The following RFC3 variants were observed in gnomAD, a reference collection of about 807,000 sequenced individuals.
The protein encoded by RFC3 is A1 38 kDa subunit.
A neutral mutation model predicts 45.1 loss-of-function variants in RFC3; 41 were observed. The observed-to-expected ratio is 0.91, with a 90% CI of 0.71 to 1.18. The LOEUF (loss-of-function observed/expected upper bound fraction) is 1.18. Among genes scored for constraint, RFC3 ranks in the 50% most tolerant of loss-of-function variants. The pLI is 0.00. For missense variants in RFC3, 423 were observed against 428.1 expected (o/e 0.99, Z 0.10); for synonymous variants, 149 against 144.0 (o/e 1.03, Z -0.25).
At chr13:33,907,262 G>C (rs549849574) in intron 8 of RFC3, among the ~76,000 whole-genome samples, 2 of 152,048 alleles carry the variant, frequency 1.3e-5, no homozygotes, top group South Asian at 4.1e-4. Flanking sequence ...TGTGAAAATG[G>C]AAGACTATTT....
At position 33,831,372 on chromosome 13, in the gene RFC3, T is replaced by G. The variant is rs1566382861; in HGVS notation, c.809+18T>G. 7.3e-7 allele frequency: 1 copy of G among 1,368,876 alleles called. No homozygotes were observed. Among genetic ancestry groups the G allele is most frequent in the East Asian group, 2.3e-5 (1 of 43,680 alleles). 84.8% of individuals were successfully genotyped at this position (1,368,876 alleles called of 1,614,324 possible). A position where few individuals can be genotyped will look rare whatever the true frequency, so the allele number is the denominator to read the frequency against. On this transcript the variant is annotated intron_variant, in intron 7 of 8. Coordinates refer to ENST00000380071, the MANE Select transcript of RFC3 (RefSeq NM_002915.4). ...CCACAAAGGTACCAGTATAAAATGA[T>G]GACAGTAAAGCTTTCATTATCAGGA...
At chr13:33,834,298 G>GTGTGTGTATATATATA (rs1302839326) in intron 7 of RFC3, among the ~76,000 whole-genome samples, 21 of 109,200 alleles carry the variant, frequency 1.9e-4, no homozygotes, top group African/African-American at 4.1e-4. Flanking sequence ...TGTACTGTGT[G>GTGTGTGTATATATATA]TATATATATA....
At chr13:33,861,286 ATC>A (rs1245942465) in intron 8 of RFC3, among the ~76,000 whole-genome samples, 1 of 152,108 alleles carries the variant, frequency 6.6e-6, no homozygotes, top group Admixed American at 6.6e-5. Context: ...CGGTAAAGTG[ATC>A]TCTCTATTTT....
chr13:33,941,675 T>C (rs1362453463), intron 8 of RFC3, among the ~76,000 whole-genome samples: 1 of 152,198 alleles, frequency 6.6e-6, no homozygotes, highest in Non-Finnish European at 1.5e-5. Context: ...TTAAGATTTT[T>C]CTATCTTTGG....
chr13:33,850,335 G>A (rs1380795809), intron 8 of RFC3: 2 of 152,014 alleles, frequency 1.3e-5, no homozygotes, highest in Non-Finnish European at 2.9e-5. Flanking sequence ...GAAAAATTGA[G>A]CATGCGTATT....
At chr13:33,887,276 C>T (rs1392751140) in intron 8 of RFC3, among the ~76,000 whole-genome samples, 1 of 150,450 alleles carries the variant, frequency 6.6e-6, no homozygotes, top group Non-Finnish European at 1.5e-5. Flanking sequence ...TCCTATTTCT[C>T]CACATCCTCT....
At chr13:33,925,189 G>A (rs2082797906) in intron 8 of RFC3, among the ~76,000 whole-genome samples, 1 of 136,172 alleles carries the variant, frequency 7.3e-6, no homozygotes, top group Non-Finnish European at 1.5e-5. Context: ...TACACATATA[G>A]TGTACTATAT....
At chr13:33,868,874 C>T (rs1158216884) in intron 8 of RFC3, among the ~76,000 whole-genome samples, 1 of 152,214 alleles carries the variant, frequency 6.6e-6, no homozygotes, top group Non-Finnish European at 1.5e-5. Context: ...ACAAAAAGGC[C>T]AGACACTCCT....
At chr13:33,847,898 T>G (rs2082249832) in intron 8 of RFC3, 1 of 152,208 alleles carries the variant, frequency 6.6e-6, no homozygotes, top group African/African-American at 2.4e-5. Flanking sequence ...TTCTCTTGTA[T>G]TTTTTCGCCT....
At chr13:33,867,744 A>G (rs937110573) in intron 8 of RFC3, among the ~76,000 whole-genome samples, 2 of 152,194 alleles carry the variant, frequency 1.3e-5, no homozygotes, top group African/African-American at 4.8e-5. Flanking sequence ...ACCGGTTACT[A>G]TGTTGGCTGA....
At chr13:33,904,376 T>G (rs1003401619) in intron 8 of RFC3, among the ~76,000 whole-genome samples, 1 of 152,096 alleles carries the variant, frequency 6.6e-6, no homozygotes, top group South Asian at 2.1e-4. Context: ...ATGAGCATCT[T>G]TCTTTCACTC....
chr13:33,939,952 T>C (rs2082912957), intron 8 of RFC3, among the ~76,000 whole-genome samples: 1 of 152,202 alleles, frequency 6.6e-6, no homozygotes, highest in African/African-American at 2.4e-5. Flanking sequence ...CAATTTATGT[T>C]CACTCTATTT....
chr13:33,906,793 T>A (rs2082674529), intron 8 of RFC3, among the ~76,000 whole-genome samples: 1 of 152,116 alleles, frequency 6.6e-6, no homozygotes, highest in African/African-American at 2.4e-5. Context: ...TATTAAAATT[T>A]GTTCTTCCTT....
chr13:33,926,230 G>C, intron 8 of RFC3, among the ~76,000 whole-genome samples: 1 of 115,844 alleles, frequency 8.6e-6, no homozygotes, highest in Non-Finnish European at 1.7e-5. Flanking sequence ...AGGGGGGAGG[G>C]ATAGCACTGG....
intron 6 of RFC3, 55 bp from the exon 7 acceptor site, chr13:33,831,201 T>G (rs2082099944): frequency 3.5e-6 from 4 of 1,128,288 alleles, no homozygotes; most frequent in South Asian, 1.3e-5. Flanking sequence ...GACTCCTGTT[T>G]TAGGACATAA....
At chr13:33,959,035 C>G (rs1028618141) in intron 8 of RFC3, among the ~76,000 whole-genome samples, 10 of 152,182 alleles carry the variant, frequency 6.6e-5, no homozygotes, top group Admixed American at 6.5e-4. Context: ...ACAAGAAAGA[C>G]ATAAGATTCT....
At chr13:33,818,881 G>GTTT (rs72236854) in intron 1 of RFC3, among the ~76,000 whole-genome samples, 15 of 112,032 alleles carry the variant, frequency 1.3e-4, no homozygotes, top group Non-Finnish European at 2.4e-4. Context: ...CCTGAGATTA[G>GTTT]TTTTTTTTTT....
intron 8 of RFC3, among the ~76,000 whole-genome samples, chr13:33,963,148 T>C (rs1475779584): frequency 7.1e-6 from 1 of 140,762 alleles, no homozygotes; most frequent in African/African-American, 2.6e-5. Flanking sequence ...GTATAGTAAG[T>C]ATATATTACT....
At chr13:33,950,924 T>G (rs2082985843) in intron 8 of RFC3, among the ~76,000 whole-genome samples, 2 of 152,112 alleles carry the variant, frequency 1.3e-5, no homozygotes, top group African/African-American at 4.8e-5. Context: ...ACATGTTTAC[T>G]CTTCCCTTCA....
Sources: allele counts gnomAD v4.1 joint callset (sites outside exome capture counted in the v4.1 genomes callset), GRCh38; gene constraint gnomAD v4.1.1; transcripts MANE v1.5; gene names NCBI Gene and HGNC (gene_info 2026-07-23, HGNC 2026-07-21).